The following SMAD6 variants were observed in gnomAD, a reference collection of about 807,000 sequenced individuals.
The protein encoded by SMAD6 is SMAD family member 6, also known as MAD homolog 6.
A neutral mutation model predicts 39.4 loss-of-function variants in SMAD6; 103 were observed. The observed-to-expected ratio is 2.62, with a 90% CI of 2.23 to 3.08. The LOEUF is 3.08. SMAD6 is among the 30% of genes most tolerant of loss of function. The probability of loss-of-function intolerance (pLI) is 0.00; values close to 1 mark genes in which losing one functional copy is unlikely to be tolerated. For synonymous variants in SMAD6, 445 were observed against 353.3 expected, an observed-to-expected ratio of 1.26 and a Z score of -2.91; for missense variants, 1,104 against 742.9, an observed-to-expected ratio of 1.49 and a Z score of -5.65.
intron 3 of SMAD6, 23 bp from the exon 4 acceptor site, chr15:66,780,974 C>G (rs1012670388): frequency 3.3e-6 from 5 of 1,530,072 alleles, no homozygotes; most frequent in Non-Finnish European, 3.5e-6. Flanking sequence ...AATAACGCGG[C>G]GGTCCCTGTG....
chr15:66,708,192 GC>G (rs1893157191), intron 1 of SMAD6: 1 of 153,070 alleles, frequency 6.5e-6, no homozygotes, highest in South Asian at 2.1e-4. Context: ...TTTCAGAGGG[GC>G]CTGCGGTGCT....
Position 66,703,782 on chromosome 15 carries a change from T to G in SMAD6, c.524T>G (p.Val175Gly). The G allele has an allele frequency of 7.0e-7, 1 of 1,438,844 alleles. No homozygotes were observed. 89.1% of individuals were successfully genotyped at this position (1,438,844 alleles called of 1,614,324 possible). The change falls in exon 1 of 4, where the codon GTC (valine) becomes GGC (glycine). Residue 175 changes from valine (V) to glycine (G), a missense_variant. Coordinates refer to ENST00000288840, the MANE Select transcript of SMAD6 (RefSeq NM_005585.5). Reference sequence around the variant, plus strand: ...CTGCTGGAGCAGGAACTCAAAACCGTCACGTACTCGCTGCTGAAGCGGCTC... The same window carrying G: ...CTGCTGGAGCAGGAACTCAAAACCGGCACGTACTCGCTGCTGAAGCGGCTC... ...LLLLEQELKT[V>G]TYSLLKRLKE...
chr15:66,711,381 T>C (rs1052739336), intron 1 of SMAD6, among the ~76,000 whole-genome samples: 6 of 152,180 alleles, frequency 3.9e-5, no homozygotes, highest in Non-Finnish European at 5.9e-5. Context: ...TCTAGATGAT[T>C]ATTATCCTCA....
In SMAD6 at chr15:66,766,378, G is replaced by T. The variant is rs78357704; in HGVS notation, c.953-14619G>T. On this transcript the variant is annotated intron_variant, in intron 3 of 3. Coordinates refer to ENST00000288840, the MANE Select transcript of SMAD6 (RefSeq NM_005585.5). ...AAAATGGCAGGAAGAATGTCTGAGG[G>T]TCTGGCTGCCCTGGGTTTGGATTGG... 7.7e-3 allele frequency among the ~76,000 whole-genome samples: 1,167 copies of T among 152,336 alleles called. 93 individuals carry two copies. In the East Asian group the frequency reaches 0.17, roughly 22 times the overall value.
chr15:66,761,999 C>T (rs1894208825), intron 3 of SMAD6, among the ~76,000 whole-genome samples: 1 of 152,178 alleles, frequency 6.6e-6, no homozygotes, highest in Non-Finnish European at 1.5e-5. Context: ...TCCCAGGCTG[C>T]GGCGTCTTCA....
intron 3 of SMAD6, among the ~76,000 whole-genome samples, chr15:66,780,589 C>T (rs118058685): frequency 6.6e-5 from 10 of 152,292 alleles, no homozygotes; most frequent in Non-Finnish European, 1.2e-4. Context: ...GTAAGAAGTA[C>T]AGTGCTCCAC....
At chr15:66,779,236 C>T (rs1042466160) in intron 3 of SMAD6, among the ~76,000 whole-genome samples, 5 of 152,198 alleles carry the variant, frequency 3.3e-5, no homozygotes, top group Non-Finnish European at 5.9e-5. Context: ...CTGTCTCTGT[C>T]ACTATTGCCC....
At position 66,781,354 on chromosome 15, in the gene SMAD6, A is replaced by T; in HGVS notation, c.1310A>T (p.Lys437Met). ...AAGGTGCCCCCCGGCTACTCCATCAAGGTGTTCGACTTCGAGCGCTCGGGC... is the reference window on the plus strand; with the variant it reads ...AAGGTGCCCCCCGGCTACTCCATCATGGTGTTCGACTTCGAGCGCTCGGGC... ...VRKVPPGYSI[K>M]VFDFERSGLQ... Residue 437 changes from lysine (K) to methionine (M), a missense_variant, in exon 4 of 4, where the codon AAG becomes ATG. Transcript: ENST00000288840. The T allele has an allele frequency of 6.2e-7, 1 of 1,600,072 alleles. No individual in the cohort carries two copies. Among genetic ancestry groups the T allele is most frequent in the Non-Finnish European group, 8.5e-7 (1 of 1,175,596 alleles).
chr15:66,741,957 T>C (rs1461476127), intron 3 of SMAD6, among the ~76,000 whole-genome samples: 1 of 152,132 alleles, frequency 6.6e-6, no homozygotes, highest in African/African-American at 2.4e-5. Flanking sequence ...TCAGGCCCTT[T>C]ATGAGTGAAG....
At chr15:66,721,113 A>C (rs563526789) in intron 3 of SMAD6, among the ~76,000 whole-genome samples, 1 of 152,266 alleles carries the variant, frequency 6.6e-6, no homozygotes, top group Admixed American at 6.5e-5. Flanking sequence ...AAGTTGGCAG[A>C]GTTTGGGAAC....
chr15:66,741,915 G>A (rs1299603060), intron 3 of SMAD6, among the ~76,000 whole-genome samples: 1 of 152,186 alleles, frequency 6.6e-6, no homozygotes, highest in African/African-American at 2.4e-5. Context: ...CCGCTCTCCT[G>A]GTTGGGGTTC....
intron 3 of SMAD6, among the ~76,000 whole-genome samples, chr15:66,765,819 C>T (rs1324880504): frequency 6.6e-6 from 1 of 152,172 alleles, no homozygotes; most frequent in Non-Finnish European, 1.5e-5. Flanking sequence ...TGTTAGACGT[C>T]CTTTCTTGCA....
rs985931605 is a variant in SMAD6, at chr15:66,756,291, C to T, written c.953-24706C>T. ...TTATTTTTTTCCTTTCGTTTGGAAA[C>T]GGAGCCCTTTGCAGTCATGCTGTCA... is the stretch of plus-strand genomic sequence containing the variant. On this transcript the variant is annotated intron_variant, in intron 3 of 3. Coordinates refer to ENST00000288840, the MANE Select transcript of SMAD6 (RefSeq NM_005585.5). Among the ~76,000 whole-genome samples, 6 of 151,632 alleles carry T rather than the reference C, an allele frequency of 4.0e-5. No individual in the cohort carries two copies. In the South Asian group the frequency reaches 6.3e-4, roughly 16 times the overall value.
chr15:66,760,478 C>T (rs1894179260), intron 3 of SMAD6, among the ~76,000 whole-genome samples: 1 of 152,240 alleles, frequency 6.6e-6, no homozygotes, highest in South Asian at 2.1e-4. Flanking sequence ...GTGTGCCTGG[C>T]ACATGGCGGG....
At chr15:66,707,898 A>C (rs1264654557) in intron 1 of SMAD6, 1 of 152,280 alleles carries the variant, frequency 6.6e-6, no homozygotes, top group Non-Finnish European at 1.5e-5. Flanking sequence ...TAATGTCCCA[A>C]ACTGAAACTT....
At chr15:66,724,870 C>T (rs1486586998) in intron 3 of SMAD6, among the ~76,000 whole-genome samples, 1 of 152,164 alleles carries the variant, frequency 6.6e-6, no homozygotes, top group African/African-American at 2.4e-5. Context: ...GGGCTGGCTG[C>T]AGATGGCCCC....
intron 3 of SMAD6, among the ~76,000 whole-genome samples, chr15:66,769,976 C>T (rs1011962585): frequency 6.6e-6 from 1 of 152,124 alleles, no homozygotes; most frequent in African/African-American, 2.4e-5. Context: ...TACAGGCATC[C>T]GCCACCACGC....
rs1234143763 is a variant in SMAD6 at position 66,703,736 on chromosome 15, G to T, written c.478G>T (p.Glu160Ter). The T allele has an allele frequency of 1.5e-6, 2 of 1,372,952 alleles. No homozygotes were observed. Among genetic ancestry groups the T allele is most frequent in the Admixed American group, 2.6e-5 (1 of 39,184 alleles). 85.0% of individuals were successfully genotyped at this position (1,372,952 alleles called of 1,614,324 possible). A position where few individuals can be genotyped will look rare whatever the true frequency, so the allele number is the denominator to read the frequency against. ...LEPAGGGRSR[E>*]ARSRLLLLEQ... Reference sequence around the variant, plus strand: ...GCCGGCGGGCGGCGGGCGGAGTCGCGAAGCGCGCTCGCGGCTGCTGCTGCT... The same window carrying T: ...GCCGGCGGGCGGCGGGCGGAGTCGCTAAGCGCGCTCGCGGCTGCTGCTGCT... The change falls in exon 1 of 4, where the codon GAA becomes TAA. Residue 160 changes from glutamate to a stop codon, truncating the protein, a stop_gained. Transcript: ENST00000288840. LOFTEE classifies it high-confidence loss of function.
intron 3 of SMAD6, among the ~76,000 whole-genome samples, chr15:66,742,828 C>T (rs987745410): frequency 2.6e-5 from 4 of 152,136 alleles, no homozygotes; most frequent in African/African-American, 9.7e-5. Context: ...CTGCCCGCTG[C>T]GCTCCCTGGC....
Sources: gnomAD v4.1 joint callset for allele counts (sites outside exome capture counted in the v4.1 genomes callset) on GRCh38, gnomAD v4.1.1 for gene constraint, MANE v1.5 for transcripts, NCBI Gene and HGNC (gene_info 2026-07-23, HGNC 2026-07-21) for gene names.